KCNE1: variants seen among roughly 807,000 people sequenced by gnomAD.
The protein encoded by KCNE1 is potassium voltage-gated channel subfamily E regulatory subunit 1.
In KCNE1, 1 loss-of-function variant was observed where a neutral mutation model predicts 2.9. The ratio of observed to expected loss-of-function variants is 0.34; its 90% CI spans 0.12 to 1.62. The LOEUF is 1.62. KCNE1 is among the 40% of genes most tolerant of loss of function. The probability of loss-of-function intolerance (pLI) is 0.36; values close to 1 mark genes in which losing one functional copy is unlikely to be tolerated. For missense variants in KCNE1, 45 were observed against 150.5 expected (o/e 0.30, Z 3.67); for synonymous variants, 23 against 65.4 (o/e 0.35, Z 3.13).
In KCNE1 at chr21:34,511,276, C is replaced by A; in HGVS notation, c.-337G>T. 2 of 985,470 alleles carry A rather than the reference C, an allele frequency of 2.0e-6. No homozygotes were observed. Among genetic ancestry groups the A allele is most frequent in the Non-Finnish European group, 2.4e-6 (2 of 829,970 alleles). 61.0% of individuals were successfully genotyped at this position (985,470 alleles called of 1,614,324 possible). ...AGCTCCAGGCCATGCCATTCAACGC[C>A]CTCCAGGACAGGCCGAAGGGCTTGT... On this transcript the variant is annotated 5_prime_UTR_variant, in exon 2 of 4. Transcript: ENST00000399286.
At position 34,505,941 on chromosome 21, in the gene KCNE1, T is replaced by C. The variant is rs188373025; in HGVS notation, c.-162+5160A>G. On this transcript the variant is annotated intron_variant, in intron 2 of 3. Transcript: ENST00000399286. ...CAACTTATATGACACAGCAAGGCAA[T>C]ATAGACTCTGGGGGAAAAAGTTTTT... Among the ~76,000 whole-genome samples, 6 of 152,346 alleles carry C rather than the reference T, an allele frequency of 3.9e-5. No individual in the cohort carries two copies. The East Asian group carries it at 1.2e-3, about 29-fold the overall frequency.
At chr21:34,504,609 C>T (rs1036934389) in intron 2 of KCNE1, among the ~76,000 whole-genome samples, 2 of 152,212 alleles carry the variant, frequency 1.3e-5, no homozygotes, top group Non-Finnish European at 2.9e-5. Flanking sequence ...GACACTTGGA[C>T]ACAAATGTGC....
intron 2 of KCNE1, among the ~76,000 whole-genome samples, chr21:34,498,412 C>T (rs1398289527): frequency 2.0e-5 from 3 of 152,210 alleles, no homozygotes; most frequent in East Asian, 3.8e-4. Flanking sequence ...GTGGTGCTCT[C>T]CCCCTTCCCC....
At chr21:34,502,820 CTTT>C (rs745486020) in intron 2 of KCNE1, among the ~76,000 whole-genome samples, 70 of 152,368 alleles carry the variant, frequency 4.6e-4, no homozygotes, top group South Asian at 1.7e-3. Context: ...TCACAACACT[CTTT>C]TTAAGTCACA....
intron 2 of KCNE1, among the ~76,000 whole-genome samples, chr21:34,500,890 T>C (rs1983128534): frequency 6.6e-6 from 1 of 152,204 alleles, no homozygotes; most frequent in Non-Finnish European, 1.5e-5. Flanking sequence ...TCAACCAGTT[T>C]CCCATTGGTG....
chr21:34,496,779 T>A (rs1982835288), intron 2 of KCNE1, among the ~76,000 whole-genome samples: 1 of 152,230 alleles, frequency 6.6e-6, no homozygotes, highest in East Asian at 1.9e-4. Context: ...CCCACTATTA[T>A]CATGTTGCCA....
At chr21:34,504,863 AAAG>A (rs1367987561) in intron 2 of KCNE1, among the ~76,000 whole-genome samples, 1 of 152,194 alleles carries the variant, frequency 6.6e-6, no homozygotes, top group East Asian at 1.9e-4. Context: ...ATAGAAACAG[AAAG>A]AAGATTAGTG....
Position 34,512,154 on chromosome 21 carries a change from T to G in KCNE1, c.-504A>C, listed in dbSNP as rs1983863177. The G allele has an allele frequency of 6.6e-6, 1 of 152,300 alleles. No homozygotes were observed. The highest frequency in any genetic ancestry group is 1.9e-4 in the East Asian group (1 of 5,204). The allele number at this position is 152,300 out of a possible 1,614,324, so 9.4% of individuals were successfully genotyped here. A position where few individuals can be genotyped will look rare whatever the true frequency, so the allele number is the denominator to read the frequency against. ...ATTGGTCACCATTGCTTCTGCCTTC[T>G]TGAGAACCATCACCCTCGGAGGATC... On this transcript the variant is annotated 5_prime_UTR_variant, in exon 1 of 4. Transcript: ENST00000399286.
At chr21:34,498,360 G>A (rs1233963360) in intron 2 of KCNE1, among the ~76,000 whole-genome samples, 3 of 152,224 alleles carry the variant, frequency 2.0e-5, no homozygotes, top group Non-Finnish European at 4.4e-5. Context: ...GGAACTCAAG[G>A]GCTGCTGTTC....
intron 2 of KCNE1, among the ~76,000 whole-genome samples, chr21:34,506,793 G>A (rs769668896): frequency 4.6e-5 from 7 of 152,226 alleles, no homozygotes; most frequent in Non-Finnish European, 8.8e-5. Flanking sequence ...TTGTGCTGGG[G>A]AATGCAGTGG....
intron 1 of KCNE1, among the ~76,000 whole-genome samples, chr21:34,511,559 T>G (rs566779308): frequency 2.0e-5 from 3 of 150,446 alleles, no homozygotes; most frequent in Admixed American, 1.3e-4. Flanking sequence ...GGGTTCCCAG[T>G]CTCCAGAACC....
chr21:34,500,882 A>T (rs1193020538), intron 2 of KCNE1, among the ~76,000 whole-genome samples: 1 of 152,216 alleles, frequency 6.6e-6, no homozygotes, highest in Non-Finnish European at 1.5e-5. Context: ...AATTCATTTC[A>T]ACCAGTTTCC....
intron 2 of KCNE1, among the ~76,000 whole-genome samples, chr21:34,499,563 C>T (rs964789439): frequency 1.3e-5 from 2 of 152,214 alleles, no homozygotes; most frequent in Non-Finnish European, 2.9e-5. Flanking sequence ...AGATGGCTTC[C>T]CCGGGCTAAA....
intron 2 of KCNE1, among the ~76,000 whole-genome samples, chr21:34,495,478 A>G (rs1383827952): frequency 1.7e-5 from 1 of 60,082 alleles, no homozygotes; most frequent in African/African-American, 6.7e-5. Flanking sequence ...AATAGCTGAT[A>G]GAATTTAGCT....
At chr21:34,508,916 A>G (rs1837229216) in intron 2 of KCNE1, among the ~76,000 whole-genome samples, 1 of 152,226 alleles carries the variant, frequency 6.6e-6, no homozygotes. Context: ...AAAGATTTAA[A>G]TTGGTGTTTT....
intron 2 of KCNE1, among the ~76,000 whole-genome samples, chr21:34,499,860 G>A (rs749339684): frequency 2.6e-4 from 39 of 152,138 alleles, no homozygotes; most frequent in Non-Finnish European, 4.9e-4. Context: ...TCCTGTGGTC[G>A]TTCTTAGAAC....
chr21:34,501,781 G>T (rs943505908), intron 2 of KCNE1, among the ~76,000 whole-genome samples: 4 of 152,310 alleles, frequency 2.6e-5, no homozygotes, highest in African/African-American at 9.6e-5. Flanking sequence ...CCCATACTAT[G>T]ATCTCACCCC....
chr21:34,505,822 G>A (rs780708365), intron 2 of KCNE1, among the ~76,000 whole-genome samples: 1 of 152,178 alleles, frequency 6.6e-6, no homozygotes, highest in Non-Finnish European at 1.5e-5. Flanking sequence ...CTCAAACGAG[G>A]CCAGACTAGA....
chr21:34,505,282 C>T (rs747565901), intron 2 of KCNE1, among the ~76,000 whole-genome samples: 47 of 152,028 alleles, frequency 3.1e-4, no homozygotes, highest in Non-Finnish European at 6.3e-4. Context: ...TACAGGCACC[C>T]GACACCACAC....
Sources: allele counts gnomAD v4.1 joint callset (sites outside exome capture counted in the v4.1 genomes callset), GRCh38; gene constraint gnomAD v4.1.1; transcripts MANE v1.5; gene names NCBI Gene and HGNC (gene_info 2026-07-23, HGNC 2026-07-21).